The following MYADM variants were observed in gnomAD, a reference collection of about 807,000 sequenced individuals.
The protein encoded by MYADM is myeloid associated differentiation marker.
For missense variants in MYADM, 416 were observed against 443.4 expected, an observed-to-expected ratio of 0.94 and a Z score of 0.56; for synonymous variants, 224 against 210.2, an observed-to-expected ratio of 1.07 and a Z score of -0.57.
Position 53,874,093 on chromosome 19 carries a change from C to T in MYADM, c.564C>T (p.Phe188=). The change falls in exon 3 of 3, where the codon TTC becomes TTT. Residue 188 remains phenylalanine, a synonymous_variant. Coordinates refer to ENST00000391770, the MANE Select transcript of MYADM (RefSeq NM_138373.5). Reference sequence around the variant, plus strand: ...AGACCTTCGTTGCCTGCATCATCTTCGCGTTCATCAGCGACCCCAACCTGT... The same window carrying T: ...AGACCTTCGTTGCCTGCATCATCTTTGCGTTCATCAGCGACCCCAACCTGT... The part of the protein sequence containing the change: ...VLETFVACII[F]AFISDPNLYQ... The T allele has an allele frequency of 1.9e-6, 3 of 1,612,182 alleles. No homozygotes were observed. Among genetic ancestry groups the T allele is most frequent in the Non-Finnish European group, 2.5e-6 (3 of 1,180,026 alleles).
chr19:53,872,455 G>A (rs975651024), intron 2 of MYADM, among the ~76,000 whole-genome samples: 6 of 150,620 alleles, frequency 4.0e-5, no homozygotes, highest in African/African-American at 1.5e-4. Context: ...CTTGGCCTCC[G>A]AAGTGCTGGG....
upstream of MYADM, chr19:53,867,796 C>A (rs115528893): frequency 0.041 from 6,293 of 152,926 alleles, 409 homozygotes; most frequent in African/African-American, 0.14. Flanking sequence ...CCCTGTCCAC[C>A]GCCCTAGCCG....
chr19:53,867,301 C>T (rs1019959879), upstream of MYADM, among the ~76,000 whole-genome samples: 2 of 152,140 alleles, frequency 1.3e-5, no homozygotes, highest in East Asian at 3.9e-4. Flanking sequence ...TGCTCTCCCT[C>T]AGGGCTCCAA....
chr19:53,870,625 A>G (rs167416), intron 2 of MYADM, among the ~76,000 whole-genome samples: 152,257 of 152,274 alleles, frequency 1, 76,122 homozygotes, highest in Non-Finnish European at 1. Context: ...TGCGACTGCC[A>G]CGAAGAGGTT....
Position 53,873,353 on chromosome 19 carries a change from C to G in MYADM, c.-2-175C>G, listed in dbSNP as rs189597539. 5.4e-4 allele frequency among the ~76,000 whole-genome samples: 81 copies of G among 149,076 alleles called. 1 individual carries two copies. Among genetic ancestry groups the G allele is most frequent in the African/African-American group, 2.0e-3 (79 of 39,864 alleles). On this transcript the variant is annotated intron_variant, in intron 2 of 2. Transcript: ENST00000391770. This position sits in a 1 kb window ranked among gnomAD's most constrained non-coding sequence, Gnocchi z 4.3. ...TGCCAATGCACTCCAGCCTGGGCCA[C>G]AGAGCAAGACTCTGTCTCAAAAAAA...
upstream of MYADM, chr19:53,866,345 T>A (rs919175185): frequency 6.6e-6 from 1 of 151,894 alleles, no homozygotes; most frequent in African/African-American, 2.4e-5. This position sits in a 1 kb window ranked among gnomAD's most constrained non-coding sequence, Gnocchi z 4.3. Context: ...TCGCTGAGCA[T>A]CCGCAGCCGC....
chr19:53,873,588 T>A lies in MYADM; in HGVS notation c.59T>A (p.Leu20Gln), dbSNP rs199507160. Residue 20 changes from leucine to glutamine, a missense_variant, in exon 3 of 3, where the codon CTG becomes CAG. Leu to Gln is a moderately radical substitution (Grantham distance 113). Transcript: ENST00000391770. This position sits in a 1 kb window ranked among gnomAD's most constrained non-coding sequence, Gnocchi z 4.3. The part of the protein sequence containing the change: ...ITTTTTSSSG[L>Q]GSPMIVGSPR... ...ACCACCACGACGTCATCTTCGGGCC[T>A]GGGGTCCCCCATGATCGTGGGGTCC... 4 of 1,613,228 alleles carry A rather than the reference T, an allele frequency of 2.5e-6. No individual in the cohort carries two copies. The highest frequency in any genetic ancestry group is 3.4e-6 in the Non-Finnish European group (4 of 1,179,548).
Position 53,874,633 on chromosome 19 carries a change from T to C in MYADM, c.*135T>C. ...GTCTCCCCTCCCTCCCACCTTTTTCTTTCCTTCCCAATTCCTTGCACTCTA... is the reference window on the plus strand; with the variant it reads ...GTCTCCCCTCCCTCCCACCTTTTTCCTTCCTTCCCAATTCCTTGCACTCTA... On this transcript the variant is annotated 3_prime_UTR_variant, in exon 3 of 3. Coordinates refer to ENST00000391770, the MANE Select transcript of MYADM (RefSeq NM_138373.5). The C allele has an allele frequency of 9.6e-7, 1 of 1,046,466 alleles. No homozygotes were observed. Among genetic ancestry groups the C allele is most frequent in the Non-Finnish European group, 1.4e-6 (1 of 740,118 alleles). The allele number at this position is 1,046,466 out of a possible 1,614,324, so 64.8% of individuals were successfully genotyped here.
At position 53,876,357 on chromosome 19, in the gene MYADM, G is replaced by T. The variant is rs759459683; in HGVS notation, c.*1859G>T. The T allele has an allele frequency of 2.9e-4, 48 of 165,578 alleles. No individual in the cohort carries two copies. Among genetic ancestry groups the T allele is most frequent in the Non-Finnish European group, 6.2e-4 (42 of 67,950 alleles). The allele number at this position is 165,578 out of a possible 1,614,324, so 10.3% of individuals were successfully genotyped here. A position where few individuals can be genotyped will look rare whatever the true frequency, so the allele number is the denominator to read the frequency against. The stretch of plus-strand genomic sequence containing the variant: ...TTCCTATCAGTTCCTGTTGTTAATC[G>T]TAGAACCGTTGTCCCTTCCCCCATT... On this transcript the variant is annotated 3_prime_UTR_variant, in exon 3 of 3. Transcript: ENST00000391770.
In MYADM at chr19:53,873,003, G is replaced by C. The variant is rs2068424389; in HGVS notation, c.-2-525G>C. On this transcript the variant is annotated intron_variant, in intron 2 of 2. Coordinates refer to ENST00000391770, the MANE Select transcript of MYADM (RefSeq NM_138373.5). The surrounding 1 kb of genome is among the most constrained non-coding windows in gnomAD (Gnocchi z 4.3). Reference sequence around the variant, plus strand: ...ATAGGGGCCTAGACTCCTGGATTCTGATACGAGTAGGGGAGGAGTGAGCCT... The same window carrying C: ...ATAGGGGCCTAGACTCCTGGATTCTCATACGAGTAGGGGAGGAGTGAGCCT... 6.6e-6 allele frequency among the ~76,000 whole-genome samples: 1 copy of C among 152,198 alleles called. No individual in the cohort carries two copies. Among genetic ancestry groups the C allele is most frequent in the Non-Finnish European group, 1.5e-5 (1 of 68,036 alleles).
At position 53,874,249 on chromosome 19, in the gene MYADM, G is replaced by A. The variant is rs758739416; in HGVS notation, c.720G>A (p.Leu240=). The change falls in exon 3 of 3, where the codon CTG becomes CTA. Residue 240 remains leucine, a synonymous_variant. Coordinates refer to ENST00000391770, the MANE Select transcript of MYADM (RefSeq NM_138373.5). ...TACCCATCCCCTTCCCCAGCTTCCTGTCGGGGCTGGCCTTGCTGTCTGTCC... is the reference window on the plus strand; with the variant it reads ...TACCCATCCCCTTCCCCAGCTTCCTATCGGGGCTGGCCTTGCTGTCTGTCC... ...NVLPIPFPSF[L]SGLALLSVLL... 8.1e-6 allele frequency: 13 copies of A among 1,610,154 alleles called. No homozygotes were observed. The Admixed American group carries it at 2.0e-4, about 25-fold the overall frequency.
intron 2 of MYADM, chr19:53,872,767 C>T (rs907715270): frequency 6.6e-6 from 1 of 152,566 alleles, no homozygotes; most frequent in Non-Finnish European, 1.5e-5. Context: ...GCCTCAGCCT[C>T]TTGGAGTGCT....
rs150038158 is a variant in MYADM at position 53,874,517 on chromosome 19, C to G, written c.*19C>G. ...GGTCTAAGACTCTCCCAAGAGGCTC[C>G]CGTTCCCTCTCCAACCTCTTTGTTC... is the stretch of plus-strand genomic sequence containing the variant. On this transcript the variant is annotated 3_prime_UTR_variant, in exon 3 of 3. Transcript: ENST00000391770. 111 of 1,561,286 alleles carry G rather than the reference C, an allele frequency of 7.1e-5. No individual in the cohort carries two copies. In the East Asian group the frequency reaches 2.5e-3, roughly 35 times the overall value.
rs541632637 is a variant in MYADM at position 53,875,378 on chromosome 19, G to T, written c.*880G>T. 279 of 166,950 alleles carry T rather than the reference G, an allele frequency of 1.7e-3. 3 individuals are homozygous for T. The highest frequency in any genetic ancestry group is 6.6e-3 in the African/African-American group (272 of 41,482). 10.3% of individuals were successfully genotyped at this position (166,950 alleles called of 1,614,324 possible). A position where few individuals can be genotyped will look rare whatever the true frequency, so the allele number is the denominator to read the frequency against. ...ATTTCCAATGGGCGGGAGGCTTTAA[G>T]CACCGACCCTGGGTCCCTAGGCCCC... On this transcript the variant is annotated 3_prime_UTR_variant, in exon 3 of 3. Coordinates refer to ENST00000391770, the MANE Select transcript of MYADM (RefSeq NM_138373.5).
chr19:53,874,363 C>G lies in MYADM; in HGVS notation c.834C>G (p.Ser278Arg). ...AGCCTCGGCGCTCGAGAGATGTAAG[C>G]TGCAGCCGCAGCCATGCCTACTACG... ...GGQPRRSRDVSCSRSHAYYVC... is the reference protein window; with the variant it reads ...GGQPRRSRDVRCSRSHAYYVC... Residue 278 changes from serine to arginine, a missense_variant, in exon 3 of 3, where the codon AGC becomes AGG. Physicochemically the swap from Ser to Arg is moderately radical, Grantham distance 110. Coordinates refer to ENST00000391770, the MANE Select transcript of MYADM (RefSeq NM_138373.5). 6.2e-7 allele frequency: 1 copy of G among 1,614,192 alleles called. No homozygotes were observed. The highest frequency in any genetic ancestry group is 1.3e-5 in the African/African-American group (1 of 75,082).
Position 53,873,975 on chromosome 19 carries a change from T to G in MYADM, c.446T>G (p.Val149Gly). The change falls in exon 3 of 3, where the codon GTG becomes GGG. Residue 149 changes from valine (V) to glycine (G), a missense_variant. Val to Gly is a moderately radical substitution (Grantham distance 109, BLOSUM62 -3). Transcript: ENST00000391770. This position sits in a 1 kb window ranked among gnomAD's most constrained non-coding sequence, Gnocchi z 4.3. ...AATFFSCIAC[V>G]AYATEVAWTR... ...ACCTTCTTCTCCTGCATCGCGTGTG[T>G]GGCTTACGCCACCGAAGTGGCCTGG... 1 of 1,609,694 alleles carries G rather than the reference T, an allele frequency of 6.2e-7. No individual in the cohort carries two copies. The highest frequency in any genetic ancestry group is 1.1e-5 in the South Asian group (1 of 91,088).
At position 53,874,562 on chromosome 19, in the gene MYADM, T is replaced by C. The variant is rs2068483142; in HGVS notation, c.*64T>C. The C allele has an allele frequency of 6.7e-7, 1 of 1,497,716 alleles. No homozygotes were observed. Among genetic ancestry groups the C allele is most frequent in the African/African-American group, 1.4e-5 (1 of 71,088 alleles). 92.8% of individuals were successfully genotyped at this position (1,497,716 alleles called of 1,614,324 possible). A position where few individuals can be genotyped will look rare whatever the true frequency, so the allele number is the denominator to read the frequency against. On this transcript the variant is annotated 3_prime_UTR_variant, in exon 3 of 3. Transcript: ENST00000391770. ...TTGTTCTTCTTGCCCGAGTTTTCTT[T>C]ATGGAGTACTTCTTTCCTCCGCCTT...
At position 53,868,874 on chromosome 19, in the gene MYADM, C is replaced by A. The variant is rs1213936790; in HGVS notation, c.-87-880C>A. On this transcript the variant is annotated intron_variant, in intron 1 of 2. Transcript: ENST00000391770. The surrounding 1 kb of genome is among the most constrained non-coding windows in gnomAD (Gnocchi z 6.3). ...CCCTCCCCTCCCCTCGGCGCGCCCC[C>A]CTCCCCTGCGCGCCCCCCTCCGCGG... The A allele has an allele frequency of 6.6e-6, 1 of 152,078 alleles. No individual in the cohort carries two copies. The highest frequency in any genetic ancestry group is 1.5e-5 in the Non-Finnish European group (1 of 68,104). The allele number at this position is 152,078 out of a possible 1,614,324, so 9.4% of individuals were successfully genotyped here.
rs1409129518 is a variant in MYADM at position 53,868,292 on chromosome 19, G to T, written c.-88+349G>T. On this transcript the variant is annotated intron_variant, in intron 1 of 2. Coordinates refer to ENST00000391770, the MANE Select transcript of MYADM (RefSeq NM_138373.5). The surrounding 1 kb of genome is among the most constrained non-coding windows in gnomAD (Gnocchi z 6.3). The stretch of plus-strand genomic sequence containing the variant: ...TCTGAGGGAGGAGGAGCTGGGCCTG[G>T]ACTCCTGAGTCTGAGGGAGGAGGGG... Among the ~76,000 whole-genome samples, 1 of 151,560 alleles carries T rather than the reference G, an allele frequency of 6.6e-6. No individual in the cohort carries two copies. The highest frequency in any genetic ancestry group is 1.5e-5 in the Non-Finnish European group (1 of 67,826).
Sources: allele counts gnomAD v4.1 joint callset (sites outside exome capture counted in the v4.1 genomes callset), GRCh38; gene constraint gnomAD v4.1.1; non-coding constraint Gnocchi (gnomAD v3.1); transcripts MANE v1.5; gene names NCBI Gene and HGNC (gene_info 2026-07-23, HGNC 2026-07-21).